PITPNM2: variants seen among roughly 807,000 people sequenced by gnomAD.
PITPNM2 encodes the protein membrane-associated phosphatidylinositol transfer protein 2.
In PITPNM2, 35 loss-of-function variants were observed where a neutral mutation model predicts 132.2. The observed-to-expected ratio is 0.26, with a 90% CI of 0.20 to 0.35. The LOEUF is 0.35. Among genes scored for constraint, PITPNM2 ranks in the 10% least tolerant of loss-of-function variants. The pLI is 1.00. For synonymous variants in PITPNM2, 738 were observed against 799.2 expected (o/e 0.92, Z 1.29); for missense variants, 1,332 against 1,912.0 (o/e 0.70, Z 5.66).
rs985632323 is a variant in PITPNM2, at chr12:122,989,941, G to A, written c.2577C>T (p.Pro859=). The part of the protein sequence containing the change: ...YTASSIAQKA[P]DALSHTPSVR... Reference sequence around the variant, plus strand: ...CGCTGGGGGTATGGCTGAGCGCATCGGGGGCCTCTGAGAAGCAAGAGCAAT... The same window carrying A: ...CGCTGGGGGTATGGCTGAGCGCATCAGGGGCCTCTGAGAAGCAAGAGCAAT... The change falls in exon 18 of 26, where the codon CCC becomes CCT. Residue 859 remains proline (P), a synonymous_variant. Coordinates refer to ENST00000320201, the MANE Select transcript of PITPNM2 (RefSeq NM_020845.3). The A allele has an allele frequency of 5.4e-6, 7 of 1,304,420 alleles. No individual in the cohort carries two copies. In the African/African-American group the frequency reaches 6.2e-5, roughly 12 times the overall value. The allele number at this position is 1,304,420 out of a possible 1,614,324, so 80.8% of individuals were successfully genotyped here.
At position 122,989,819 on chromosome 12, in the gene PITPNM2, G is replaced by C; in HGVS notation, c.2699C>G (p.Ala900Gly). Residue 900 changes from alanine to glycine, a missense_variant, in exon 18 of 26, where the codon GCC becomes GGC. Ala to Gly is a moderately conservative substitution (Grantham distance 60). Coordinates refer to ENST00000320201, the MANE Select transcript of PITPNM2 (RefSeq NM_020845.3). ...AATGTCCAGCTCAGGGAGGCCAGGG[G>C]CCCTCTCCAGGCCAGGGCTTGCCTT... ...ARKASPGLER[A>G]PGLPELDIGE... 1 of 1,387,940 alleles carries C rather than the reference G, an allele frequency of 7.2e-7. No individual in the cohort carries two copies. Among genetic ancestry groups the C allele is most frequent in the Non-Finnish European group, 9.4e-7 (1 of 1,066,506 alleles). The allele number at this position is 1,387,940 out of a possible 1,614,324, so 86.0% of individuals were successfully genotyped here. A position where few individuals can be genotyped will look rare whatever the true frequency, so the allele number is the denominator to read the frequency against.
intron 2 of PITPNM2, among the ~76,000 whole-genome samples, chr12:123,079,527 A>G (rs1278019077): frequency 6.6e-6 from 1 of 151,268 alleles, no homozygotes; most frequent in African/African-American, 2.4e-5. Context: ...TTGTATTTTT[A>G]GTAGAGACAA....
rs551915903 is a variant in PITPNM2 at position 123,008,781 on chromosome 12, C to T, written c.643+1069G>A. 2.0e-5 allele frequency among the ~76,000 whole-genome samples: 3 copies of T among 152,268 alleles called. No individual in the cohort carries two copies. Among genetic ancestry groups the T allele is most frequent in the African/African-American group, 7.2e-5 (3 of 41,536 alleles). ...GCCCTGGGGATGGAGGTGGTGACAC[C>T]AACACACCCATCGAGGCCCTGTCCA... On this transcript the variant is annotated intron_variant, in intron 6 of 25. Transcript: ENST00000320201. This position sits in a 1 kb window ranked among gnomAD's most constrained non-coding sequence, Gnocchi z 4.1.
Position 123,009,894 on chromosome 12 carries a change from T to C in PITPNM2, c.599A>G (p.Tyr200Cys), listed in dbSNP as rs2039109981. 6.2e-7 allele frequency: 1 copy of C among 1,614,150 alleles called. No homozygotes were observed. Among genetic ancestry groups the C allele is most frequent in the Non-Finnish European group, 8.5e-7 (1 of 1,180,028 alleles). ...AYKLCKVEFRYWGMQSKIERF... is the reference protein window; with the variant it reads ...AYKLCKVEFRCWGMQSKIERF... ...CTCGATCTTGGACTGCATGCCCCAG[T>C]AGCGGAACTCCACCTTGCAGAGCTT... The change falls in exon 6 of 26, where the codon TAC becomes TGC. Residue 200 changes from tyrosine (Y) to cysteine (C), a missense_variant. Coordinates refer to ENST00000320201, the MANE Select transcript of PITPNM2 (RefSeq NM_020845.3). This position sits in a 1 kb window ranked among gnomAD's most constrained non-coding sequence, Gnocchi z 4.8.
At chr12:123,107,834 T>C (rs1369089781) in intron 2 of PITPNM2, among the ~76,000 whole-genome samples, 1 of 152,138 alleles carries the variant, frequency 6.6e-6, no homozygotes. Flanking sequence ...AAGGCAAGTC[T>C]CCCACATTAC....
intron 2 of PITPNM2, among the ~76,000 whole-genome samples, chr12:123,035,035 C>T (rs2040220779): frequency 6.6e-6 from 1 of 152,220 alleles, no homozygotes; most frequent in African/African-American, 2.4e-5. Context: ...TTCCCCGGTA[C>T]TGACACAGTG....
chr12:122,988,974 C>T, intron 18 of PITPNM2, 102 bp from the exon 19 acceptor site: 1 of 1,287,012 alleles, frequency 7.8e-7, no homozygotes, highest in Non-Finnish European at 1.0e-6. Flanking sequence ...GCACAGTCCC[C>T]CCACCAGCTA....
At position 123,082,485 on chromosome 12, in the gene PITPNM2, C is replaced by A. The variant is rs902854629; in HGVS notation, c.-96+27900G>T. On this transcript the variant is annotated intron_variant, in intron 2 of 25. Coordinates refer to ENST00000320201, the MANE Select transcript of PITPNM2 (RefSeq NM_020845.3). The surrounding 1 kb of genome is among the most constrained non-coding windows in gnomAD (Gnocchi z 5.4). ...TTTTTGAGACAGAGTCTTGCCCAGGCTGGAGTGCAGTGGCACGATTTCAGC... is the reference window on the plus strand; with the variant it reads ...TTTTTGAGACAGAGTCTTGCCCAGGATGGAGTGCAGTGGCACGATTTCAGC... Among the ~76,000 whole-genome samples, 9 of 152,198 alleles carry A rather than the reference C, an allele frequency of 5.9e-5. No individual in the cohort carries two copies. The highest frequency in any genetic ancestry group is 1.2e-4 in the Non-Finnish European group (8 of 68,040).
chr12:123,098,893 AT>A (rs2042479853), intron 2 of PITPNM2, among the ~76,000 whole-genome samples: 1 of 152,072 alleles, frequency 6.6e-6, no homozygotes, highest in African/African-American at 2.4e-5. Context: ...CAAAGATACC[AT>A]GCACTTTGAG....
intron 1 of PITPNM2, among the ~76,000 whole-genome samples, chr12:123,149,201 T>C (rs1182651566): frequency 6.6e-6 from 1 of 152,126 alleles, no homozygotes; most frequent in Admixed American, 6.5e-5. Context: ...AGTCCACTTC[T>C]CTCCCCTGCT....
chr12:123,064,833 C>T lies in PITPNM2; in HGVS notation c.-95-30148G>A, dbSNP rs1395599330. Among the ~76,000 whole-genome samples, 1 of 152,234 alleles carries T rather than the reference C, an allele frequency of 6.6e-6. No homozygotes were observed. Among genetic ancestry groups the T allele is most frequent in the Non-Finnish European group, 1.5e-5 (1 of 68,042 alleles). ...AGTGACTAGCTCTGGGGCCAGACCA[C>T]GTTCACATTCAAGCCTTGTCTTTGA... On this transcript the variant is annotated intron_variant, in intron 2 of 25. Transcript: ENST00000320201. The surrounding 1 kb of genome is among the most constrained non-coding windows in gnomAD (Gnocchi z 4.0).
At chr12:123,133,927 C>T (rs1006475112) in intron 1 of PITPNM2, among the ~76,000 whole-genome samples, 1 of 152,170 alleles carries the variant, frequency 6.6e-6, no homozygotes, top group Non-Finnish European at 1.5e-5. Context: ...GGTGATACGC[C>T]CACCTTGGCC....
At chr12:123,067,311 C>T (rs905061376) in intron 2 of PITPNM2, among the ~76,000 whole-genome samples, 1 of 152,134 alleles carries the variant, frequency 6.6e-6, no homozygotes, top group African/African-American at 2.4e-5. Context: ...CAAAAATTAG[C>T]TGGACATGGT....
Position 122,986,054 on chromosome 12 carries a change from C to A in PITPNM2, c.4023G>T (p.Glu1341Asp), listed in dbSNP as rs1035269388. Residue 1341 changes from glutamate to aspartate, a missense_variant, in exon 26 of 26, where the codon GAG becomes GAT. Glu to Asp is a conservative substitution (Grantham distance 45). This residue lies in a region of PITPNM2 where 163 missense variants were observed against 177.2 expected (regional missense o/e 0.92). Coordinates refer to ENST00000320201, the MANE Select transcript of PITPNM2 (RefSeq NM_020845.3). ...CWGRAMTGRL[E>D]PGAAAGPK ...ACTTGGGGCCCGCGGCTGCCCCCGG[C>A]TCCAGGCGGCCAGTCATGGCGCGGC... is the stretch of plus-strand genomic sequence containing the variant. 7 of 1,413,598 alleles carry A rather than the reference C, an allele frequency of 5.0e-6. No individual in the cohort carries two copies. The highest frequency in any genetic ancestry group is 6.4e-6 in the Non-Finnish European group (7 of 1,095,324). 87.6% of individuals were successfully genotyped at this position (1,413,598 alleles called of 1,614,324 possible).
intron 1 of PITPNM2, among the ~76,000 whole-genome samples, chr12:123,141,629 A>G (rs2043508710): frequency 6.6e-6 from 1 of 152,020 alleles, no homozygotes; most frequent in South Asian, 2.1e-4. Context: ...AGCCCATAAC[A>G]CAGAGTCGAC....
At chr12:123,080,461 A>T (rs1340162496) in intron 2 of PITPNM2, among the ~76,000 whole-genome samples, 1 of 152,216 alleles carries the variant, frequency 6.6e-6, no homozygotes, top group Non-Finnish European at 1.5e-5. Flanking sequence ...TTTGTTCCCA[A>T]AGTTGCAGGC....
At position 123,150,639 on chromosome 12, in the gene PITPNM2, G is replaced by A. The variant is rs1184958400; in HGVS notation, c.-200+114C>T. Among the ~76,000 whole-genome samples, 1 of 144,104 alleles carries A rather than the reference G, an allele frequency of 6.9e-6. No individual in the cohort carries two copies. Among genetic ancestry groups the A allele is most frequent in the African/African-American group, 2.6e-5 (1 of 38,962 alleles). 94.5% of individuals were successfully genotyped at this position (144,104 alleles called of 152,430 possible). A position where few individuals can be genotyped will look rare whatever the true frequency, so the allele number is the denominator to read the frequency against. On this transcript the variant is annotated intron_variant, in intron 1 of 25. Transcript: ENST00000320201. The surrounding 1 kb of genome is among the most constrained non-coding windows in gnomAD (Gnocchi z 6.0). ...CCGGCGGGCTGGAGGCTCGGCGGGC[G>A]GGCGGGCCGGGGCCTCTCTGGGAGC...
chr12:123,059,080 G>A (rs1047760887), intron 2 of PITPNM2, among the ~76,000 whole-genome samples: 1 of 152,242 alleles, frequency 6.6e-6, no homozygotes, highest in South Asian at 2.1e-4. Flanking sequence ...GCACAGCTGT[G>A]GGGGCAGAGG....
At chr12:123,096,090 A>G (rs971871546) in intron 2 of PITPNM2, among the ~76,000 whole-genome samples, 8 of 152,374 alleles carry the variant, frequency 5.3e-5, no homozygotes, top group African/African-American at 1.9e-4. Context: ...TCAGGGAGCC[A>G]AAGTGGCCCC....
Sources: allele counts gnomAD v4.1 joint callset (sites outside exome capture counted in the v4.1 genomes callset), GRCh38; gene constraint gnomAD v4.1.1; regional missense constraint gnomAD v4.1.1; non-coding constraint Gnocchi (gnomAD v3.1); transcripts MANE v1.5; gene names NCBI Gene and HGNC (gene_info 2026-07-23, HGNC 2026-07-21).